The following GRK5 variants were observed in gnomAD, a reference collection of about 807,000 sequenced individuals.
GRK5 encodes the protein g protein-coupled receptor kinase GRK5.
A neutral mutation model predicts 78.4 loss-of-function variants in GRK5; 40 were observed. The observed-to-expected ratio is 0.51, with a 90% confidence interval of 0.40 to 0.66. GRK5 has a LOEUF of 0.66. Ranked by LOEUF, GRK5 falls within the 30% of genes least tolerant of loss-of-function variation. GRK5 has a pLI of 0.00. For synonymous variants in GRK5, 289 were observed against 296.8 expected (o/e 0.97, Z 0.27); for missense variants, 598 against 759.9 (o/e 0.79, Z 2.50).
At chr10:119,439,154 C>G (rs75494268) in intron 9 of GRK5, among the ~76,000 whole-genome samples, 1 of 152,384 alleles carries the variant, frequency 6.6e-6, no homozygotes, top group East Asian at 1.9e-4. Flanking sequence ...TGAGCAAGAT[C>G]CTGTCATCAA....
chr10:119,386,858 C>T (rs113649122), intron 3 of GRK5, among the ~76,000 whole-genome samples: 6 of 152,210 alleles, frequency 3.9e-5, no homozygotes, highest in Admixed American at 6.5e-5. Flanking sequence ...GTTGCAGTAG[C>T]GCCCCGGGTG....
At chr10:119,311,888 G>C (rs1310737783) in intron 1 of GRK5, among the ~76,000 whole-genome samples, 1 of 150,336 alleles carries the variant, frequency 6.7e-6, no homozygotes, top group Admixed American at 6.6e-5. Context: ...AACACTGTGA[G>C]TGTACTGAAT....
chr10:119,411,744 C>G (rs1385932070), intron 4 of GRK5, among the ~76,000 whole-genome samples: 1 of 151,652 alleles, frequency 6.6e-6, no homozygotes, highest in Non-Finnish European at 1.5e-5. Flanking sequence ...TTCTGTAGCT[C>G]CCAGGACTAC....
chr10:119,298,306 C>T (rs1850116666), intron 1 of GRK5, among the ~76,000 whole-genome samples: 3 of 152,140 alleles, frequency 2.0e-5, no homozygotes, highest in Admixed American at 1.3e-4. Context: ...GGAGCTGACA[C>T]CTAGTGGGAA....
chr10:119,291,513 CTCCTCCTCCTCT>C lies in GRK5; in HGVS notation c.53-34991_53-34980del, dbSNP rs1849954368. 4.6e-5 allele frequency among the ~76,000 whole-genome samples: 6 copies of C among 130,352 alleles called. No individual in the cohort carries two copies. The South Asian group carries it at 1.2e-3, about 27-fold the overall frequency. 85.5% of individuals were successfully genotyped at this position (130,352 alleles called of 152,430 possible). A position where few individuals can be genotyped will look rare whatever the true frequency, so the allele number is the denominator to read the frequency against. ...AGGAAGGAACTGCTGCTGCTGCCTC[CTCCTCCTCCTCT>C]TCCTCCTCCTCCTCTTCCTCCTCCT... On this transcript the variant is annotated intron_variant, in intron 1 of 15. Transcript: ENST00000392870.
chr10:119,223,111 C>T (rs1232912418), intron 1 of GRK5, among the ~76,000 whole-genome samples: 1 of 152,170 alleles, frequency 6.6e-6, no homozygotes, highest in East Asian at 1.9e-4. Flanking sequence ...GGCCGTGCTC[C>T]CTCTGAAGGT....
intron 1 of GRK5, among the ~76,000 whole-genome samples, chr10:119,230,145 G>A (rs762461691): frequency 2.6e-5 from 4 of 152,126 alleles, no homozygotes; most frequent in Non-Finnish European, 5.9e-5. Context: ...GGTCATATGG[G>A]GAGGTCTCTG....
rs1851665497 is a variant in GRK5, at chr10:119,378,696, TG to T, written c.149-2113del. Reference sequence around the variant, plus strand: ...TGCGCCTCCGTGGGCTCTCGCTGCGTGGGGGGAAGGCGGTCTCAGCAGCCCT... The same window carrying T: ...TGCGCCTCCGTGGGCTCTCGCTGCGTGGGGGAAGGCGGTCTCAGCAGCCCT... On this transcript the variant is annotated intron_variant, in intron 2 of 15. Transcript: ENST00000392870. The surrounding 1 kb of genome is among the most constrained non-coding windows in gnomAD (Gnocchi z 4.5). Among the ~76,000 whole-genome samples the T allele has an allele frequency of 6.6e-6, 1 of 152,214 alleles. No homozygotes were observed. Among genetic ancestry groups the T allele is most frequent in the Non-Finnish European group, 1.5e-5 (1 of 68,032 alleles).
intron 15 of GRK5, among the ~76,000 whole-genome samples, chr10:119,454,550 C>T (rs1367362550): frequency 6.6e-6 from 1 of 152,214 alleles, no homozygotes; most frequent in Admixed American, 6.5e-5. Flanking sequence ...CTCGCTAGAG[C>T]CCTTTGCATA....
At chr10:119,237,715 C>T (rs116877874) in intron 1 of GRK5, among the ~76,000 whole-genome samples, 3,103 of 149,098 alleles carry the variant, frequency 0.021, 75 homozygotes, top group South Asian at 0.064. Flanking sequence ...GAGGGCAGGT[C>T]GGGTGGGGTG....
intron 4 of GRK5, among the ~76,000 whole-genome samples, chr10:119,416,888 C>T (rs1852466660): frequency 6.6e-6 from 1 of 152,242 alleles, no homozygotes; most frequent in Admixed American, 6.5e-5. Context: ...GCCACCGCAC[C>T]TGGCTGAATT....
intron 3 of GRK5, among the ~76,000 whole-genome samples, chr10:119,388,655 A>G (rs1284101687): frequency 6.6e-6 from 1 of 152,180 alleles, no homozygotes; most frequent in African/African-American, 2.4e-5. Context: ...GTTCACCTCA[A>G]AATATAGTGG....
chr10:119,453,181 T>A lies in GRK5; in HGVS notation c.1579T>A (p.Phe527Ile). Residue 527 changes from phenylalanine to isoleucine, a missense_variant, in exon 15 of 16, where the codon TTT becomes ATT. Physicochemically the swap from Phe to Ile is conservative, Grantham distance 21. Coordinates refer to ENST00000392870, the MANE Select transcript of GRK5 (RefSeq NM_005308.3). ...ETECFKELNV[F>I]GPNGTLPPDL... ...AGAATGCTTTAAGGAGCTGAACGTG[T>A]TTGGACCTAATGGTACCCTCCCGCC... 1 of 1,578,354 alleles carries A rather than the reference T, an allele frequency of 6.3e-7. No homozygotes were observed. Among genetic ancestry groups the A allele is most frequent in the Non-Finnish European group, 8.7e-7 (1 of 1,147,498 alleles).
chr10:119,333,688 T>C (rs1850823684), intron 2 of GRK5: 2 of 491,062 alleles, frequency 4.1e-6, no homozygotes, highest in African/African-American at 3.9e-5. Flanking sequence ...GTCTCTCTTG[T>C]ATCTTGTAAG....
chr10:119,394,810 T>G lies in GRK5; in HGVS notation c.262-1885T>G, dbSNP rs539933994. Among the ~76,000 whole-genome samples, 7 of 151,058 alleles carry G rather than the reference T, an allele frequency of 4.6e-5. No individual in the cohort carries two copies. In the South Asian group the frequency reaches 6.3e-4, roughly 14 times the overall value. Reference sequence around the variant, plus strand: ...GTGTATGTTTGGGTGTGTGGGTGTGTGTGTGGGTGTGTGTATCTGTGTCTG... The same window carrying G: ...GTGTATGTTTGGGTGTGTGGGTGTGGGTGTGGGTGTGTGTATCTGTGTCTG... On this transcript the variant is annotated intron_variant, in intron 3 of 15. Transcript: ENST00000392870.
chr10:119,225,670 CTTTTTT>C (rs35238730), intron 1 of GRK5, among the ~76,000 whole-genome samples: 1 of 114,970 alleles, frequency 8.7e-6, no homozygotes, highest in Admixed American at 8.9e-5. Context: ...CTCTCTCTCT[CTTTTTT>C]TTTTTTTTTT....
At position 119,367,223 on chromosome 10, in the gene GRK5, C is replaced by T. The variant is rs557347154; in HGVS notation, c.149-13592C>T. 9.8e-5 allele frequency among the ~76,000 whole-genome samples: 15 copies of T among 152,298 alleles called. No individual in the cohort carries two copies. The East Asian group carries it at 2.5e-3, about 25-fold the overall frequency. On this transcript the variant is annotated intron_variant, in intron 2 of 15. Transcript: ENST00000392870. ...ATCCGTGTCGAAAATCCCGACACCA[C>T]GAGCTAGAATTCTGCTAAGCTCTAG...
intron 3 of GRK5, among the ~76,000 whole-genome samples, chr10:119,396,201 A>G (rs1327753861): frequency 6.6e-6 from 1 of 152,172 alleles, no homozygotes; most frequent in Admixed American, 6.5e-5. Context: ...TCTGCGTTTT[A>G]TAGAAGGGTT....
In GRK5 at chr10:119,379,117, G is replaced by C. The variant is rs929282586; in HGVS notation, c.149-1698G>C. Reference sequence around the variant, plus strand: ...CCCTAAAGGAAAGGGAGATGGAACAGACCAAATTATCACATCCATAACGAT... The same window carrying C: ...CCCTAAAGGAAAGGGAGATGGAACACACCAAATTATCACATCCATAACGAT... On this transcript the variant is annotated intron_variant, in intron 2 of 15. Transcript: ENST00000392870. The surrounding 1 kb of genome is among the most constrained non-coding windows in gnomAD (Gnocchi z 4.1). Among the ~76,000 whole-genome samples the C allele has an allele frequency of 6.6e-6, 1 of 152,226 alleles. No homozygotes were observed. The highest frequency in any genetic ancestry group is 1.5e-5 in the Non-Finnish European group (1 of 68,032).
Sources: allele counts gnomAD v4.1 joint callset (sites outside exome capture counted in the v4.1 genomes callset), GRCh38; gene constraint gnomAD v4.1.1; non-coding constraint Gnocchi (gnomAD v3.1); transcripts MANE v1.5; gene names NCBI Gene and HGNC (gene_info 2026-07-23, HGNC 2026-07-21).